CLRN2: variants seen among roughly 807,000 people sequenced by gnomAD.
The protein encoded by CLRN2 is clarin-2.
In CLRN2, 17 loss-of-function variants were observed where a neutral mutation model predicts 20.1. The ratio of observed to expected loss-of-function variants is 0.85; its 90% CI spans 0.58 to 1.27. CLRN2 has a LOEUF of 1.27. Among genes scored for constraint, CLRN2 ranks in the 50% most tolerant of loss-of-function variants. The probability of loss-of-function intolerance (pLI) is 0.00; values close to 1 mark genes in which losing one functional copy is unlikely to be tolerated. For missense variants in CLRN2, 288 were observed against 299.5 expected, an observed-to-expected ratio of 0.96 and a Z score of 0.28; for synonymous variants, 140 against 126.9, an observed-to-expected ratio of 1.10 and a Z score of -0.70.
rs567554408 is a variant in CLRN2, at chr4:17,526,485, G to A, written c.434-332G>A. ...TGAGGCAGGAGAATGGCTTGAACCC[G>A]AGAGGCAGAGGTTGCAGTGAGCTGA... On this transcript the variant is annotated intron_variant, in intron 2 of 2. Coordinates refer to ENST00000511148, the MANE Select transcript of CLRN2 (RefSeq NM_001079827.2). 8.5e-5 allele frequency among the ~76,000 whole-genome samples: 13 copies of A among 152,244 alleles called. No homozygotes were observed. The East Asian group carries it at 2.1e-3, about 25-fold the overall frequency.
chr4:17,521,153 CAA>C (rs1355960005), intron 1 of CLRN2, among the ~76,000 whole-genome samples: 1 of 152,032 alleles, frequency 6.6e-6, no homozygotes, highest in Non-Finnish European at 1.5e-5. Flanking sequence ...AGACGCTTTA[CAA>C]AGACAAACTC....
intron 1 of CLRN2, among the ~76,000 whole-genome samples, chr4:17,517,529 G>A (rs1304801418): frequency 6.6e-6 from 1 of 152,166 alleles, no homozygotes; most frequent in Admixed American, 6.5e-5. Context: ...AATGTAAACT[G>A]CTTCGAGTAG....
chr4:17,526,793 G>A, intron 2 of CLRN2, 24 bp from the exon 3 acceptor site: 1 of 1,611,702 alleles, frequency 6.2e-7, no homozygotes, highest in Middle Eastern at 1.7e-4. Context: ...AGCCGTGAAT[G>A]AGGGTGACCT....
chr4:17,519,555 AG>A (rs1711785020), intron 1 of CLRN2, among the ~76,000 whole-genome samples: 1 of 152,226 alleles, frequency 6.6e-6, no homozygotes, highest in East Asian at 1.9e-4. Context: ...ATATGTATAA[AG>A]CCACCGGCAC....
At chr4:17,525,020 AAAC>A (rs1271402158) in intron 2 of CLRN2, among the ~76,000 whole-genome samples, 4 of 152,248 alleles carry the variant, frequency 2.6e-5, no homozygotes, top group Admixed American at 6.5e-5. Flanking sequence ...GAGCTTAAAA[AAAC>A]AACAACACTG....
intron 2 of CLRN2, among the ~76,000 whole-genome samples, chr4:17,524,176 A>G (rs1711901285): frequency 6.7e-6 from 1 of 149,500 alleles, no homozygotes; most frequent in South Asian, 2.1e-4. Context: ...GACCATCATG[A>G]CCTGTTTTCC....
rs1481670876 is a variant in CLRN2, at chr4:17,515,332, C to T, written c.66C>T (p.Ile22=). The change falls in exon 1 of 3, where the codon ATC becomes ATT. Residue 22 remains isoleucine (I), a synonymous_variant. Coordinates refer to ENST00000511148, the MANE Select transcript of CLRN2 (RefSeq NM_001079827.2). ...LASLLSFSSF[I]LIIVALVVPH... ...CTTTACTCAGCTTCTCCTCCTTCAT[C>T]CTGATCATCGTTGCCCTGGTAGTGC... is the stretch of plus-strand genomic sequence containing the variant. The T allele has an allele frequency of 2.5e-6, 4 of 1,614,032 alleles. 1 individual carries two copies. Among genetic ancestry groups the T allele is most frequent in the Non-Finnish European group, 3.4e-6 (4 of 1,179,900 alleles).
At chr4:17,526,288 G>A (rs1331229097) in intron 2 of CLRN2, among the ~76,000 whole-genome samples, 7 of 152,176 alleles carry the variant, frequency 4.6e-5, no homozygotes, top group African/African-American at 1.7e-4. Context: ...GGCCGGGTGC[G>A]GTGGCTCACA....
chr4:17,515,555 C>A (rs751545140), intron 1 of CLRN2, 36 bp downstream of exon 1: 16 of 1,603,166 alleles, frequency 1.0e-5, no homozygotes, highest in Non-Finnish European at 1.3e-5. Flanking sequence ...TGATTCTAGG[C>A]ACTCATTTTT....
At position 17,526,978 on chromosome 4, in the gene CLRN2, C is replaced by A; in HGVS notation, c.595C>A (p.His199Asn). The change falls in exon 3 of 3, where the codon CAT becomes AAT. Residue 199 changes from histidine (H) to asparagine (N), a missense_variant. His to Asn is a moderately conservative substitution (Grantham distance 68, BLOSUM62 1). Coordinates refer to ENST00000511148, the MANE Select transcript of CLRN2 (RefSeq NM_001079827.2). Reference protein sequence around the residue: ...FWICVASASAHAANLVVVAIS... With the variant: ...FWICVASASANAANLVVVAIS... Reference sequence around the variant, plus strand: ...GATCTGCGTGGCCAGCGCTTCGGCCCATGCTGCAAACTTGGTCGTGGTGGC... The same window carrying A: ...GATCTGCGTGGCCAGCGCTTCGGCCAATGCTGCAAACTTGGTCGTGGTGGC... The A allele has an allele frequency of 6.2e-7, 1 of 1,614,018 alleles. No homozygotes were observed. The highest frequency in any genetic ancestry group is 2.2e-5 in the East Asian group (1 of 44,868).
chr4:17,526,336 G>A (rs879425312), intron 2 of CLRN2, among the ~76,000 whole-genome samples: 10 of 152,298 alleles, frequency 6.6e-5, no homozygotes, highest in Non-Finnish European at 1.5e-4. Context: ...AAGGTGAATG[G>A]ATCACTTGAG....
intron 2 of CLRN2, among the ~76,000 whole-genome samples, chr4:17,524,563 G>A (rs188112389): frequency 2.0e-4 from 31 of 152,238 alleles, no homozygotes; most frequent in Admixed American, 2.0e-3. Flanking sequence ...CCCTCATCAA[G>A]ACTACAGGTG....
rs746263446 is a variant in CLRN2 at position 17,526,787 on chromosome 4, G to C, written c.434-30G>C. 1.9e-6 allele frequency: 3 copies of C among 1,609,688 alleles called. No homozygotes were observed. The Admixed American group carries it at 5.0e-5, about 27-fold the overall frequency. ...TCTTACAGAGTTGCAAAAAGGAGCC[G>C]TGAATGAGGGTGACCTTTTTGAGTT... On this transcript the variant is annotated intron_variant, in intron 2 of 2. Transcript: ENST00000511148.
At chr4:17,516,015 G>A (rs1473901639) in intron 1 of CLRN2, among the ~76,000 whole-genome samples, 1 of 152,206 alleles carries the variant, frequency 6.6e-6, no homozygotes, top group East Asian at 1.9e-4. Context: ...GTGGGTGGAG[G>A]CTGCCTGCAG....
At chr4:17,520,888 G>A (rs6449307) in intron 1 of CLRN2, among the ~76,000 whole-genome samples, 53,758 of 151,860 alleles carry the variant, frequency 0.35, 10,303 homozygotes, top group East Asian at 0.43. Flanking sequence ...CATGGAGGCG[G>A]GTGCCTGTAA....
intron 1 of CLRN2, 136 bp from the exon 2 acceptor site, chr4:17,522,728 C>G: frequency 3.7e-6 from 3 of 812,816 alleles, no homozygotes; most frequent in Non-Finnish European, 5.8e-6. Context: ...GAAAGTCTCC[C>G]GCTGTTTGAA....
intron 1 of CLRN2, among the ~76,000 whole-genome samples, chr4:17,519,769 G>T (rs1275117566): frequency 6.6e-6 from 1 of 152,182 alleles, no homozygotes; most frequent in Non-Finnish European, 1.5e-5. Context: ...GGGCAGCACT[G>T]GGTGTCAGGC....
rs372352642 is a variant in CLRN2 at position 17,522,988 on chromosome 4, C to T, written c.378C>T (p.Val126=). ...MGFAILNMIQ[V]PYRAVSGPGG... ...TTGCCATTCTTAACATGATCCAGGT[C>T]CCGTACCGGGCAGTCAGCGGTCCTG... The change falls in exon 2 of 3, where the codon GTC becomes GTT. Residue 126 remains valine, a synonymous_variant. Coordinates refer to ENST00000511148, the MANE Select transcript of CLRN2 (RefSeq NM_001079827.2). 8.7e-6 allele frequency: 14 copies of T among 1,613,838 alleles called. No individual in the cohort carries two copies. In the East Asian group the frequency reaches 3.1e-4, roughly 36 times the overall value.
chr4:17,523,684 G>A (rs187753212), intron 2 of CLRN2, among the ~76,000 whole-genome samples: 1 of 151,172 alleles, frequency 6.6e-6, no homozygotes, highest in African/African-American at 2.4e-5. Context: ...AGGCTGGGAG[G>A]AACTCCACAA....
Sources: gnomAD v4.1 joint callset for allele counts (sites outside exome capture counted in the v4.1 genomes callset) on GRCh38, gnomAD v4.1.1 for gene constraint, MANE v1.5 for transcripts, NCBI Gene and HGNC (gene_info 2026-07-23, HGNC 2026-07-21) for gene names.